TRAPPC9: variants seen among roughly 807,000 people sequenced by gnomAD.
The protein encoded by TRAPPC9 is trafficking protein particle complex subunit 9.
TRAPPC9 carries 83 observed loss-of-function variants against 124.0 expected under a neutral mutation model. The ratio of observed to expected loss-of-function variants is 0.67; its 90% CI spans 0.56 to 0.80. The LOEUF is 0.80. Ranked by LOEUF, TRAPPC9 falls within the 30% of genes least tolerant of loss-of-function variation. TRAPPC9 has a pLI of 0.00. For synonymous variants in TRAPPC9, 638 were observed against 617.5 expected (o/e 1.03, Z -0.49); for missense variants, 1,302 against 1,508.3 (o/e 0.86, Z 2.27).
At chr8:140,185,348 A>G (rs2062327997) in intron 17 of TRAPPC9, among the ~76,000 whole-genome samples, 2 of 152,200 alleles carry the variant, frequency 1.3e-5, no homozygotes, top group South Asian at 4.1e-4. Flanking sequence ...AGGAGGCTGG[A>G]CAGGTGGCCT....
intron 16 of TRAPPC9, among the ~76,000 whole-genome samples, chr8:140,249,875 T>G (rs903108373): frequency 2.6e-5 from 4 of 152,162 alleles, no homozygotes; most frequent in Non-Finnish European, 5.9e-5. Flanking sequence ...CCCAAAGTGC[T>G]GGGATTACAG....
intron 19 of TRAPPC9, among the ~76,000 whole-genome samples, chr8:139,943,496 T>C (rs111239453): frequency 0.013 from 2,024 of 152,314 alleles, 48 homozygotes; most frequent in African/African-American, 0.046. Flanking sequence ...ATGTTCAGGA[T>C]ATAATTGAAA....
chr8:140,385,842 T>C (rs200718132), intron 7 of TRAPPC9, among the ~76,000 whole-genome samples: 9 of 152,080 alleles, frequency 5.9e-5, no homozygotes, highest in Non-Finnish European at 8.8e-5. Context: ...CCTGATACCA[T>C]AGCCTGGCAG....
At chr8:140,361,832 AC>A (rs1041863021) in intron 8 of TRAPPC9, among the ~76,000 whole-genome samples, 2 of 152,150 alleles carry the variant, frequency 1.3e-5, no homozygotes, top group Non-Finnish European at 2.9e-5. Context: ...CTGACGTGAG[AC>A]TGGGCGCTCG....
rs776422181 is a variant in TRAPPC9 at position 139,886,839 on chromosome 8, G to C, written c.2965-870C>G. Among the ~76,000 whole-genome samples, 3 of 152,204 alleles carry C rather than the reference G, an allele frequency of 2.0e-5. No individual in the cohort carries two copies. The East Asian group carries it at 5.8e-4, about 29-fold the overall frequency. ...GCTGAGAGGTTCCCATTCTGGTGAA[G>C]GCAGCAACGTAGAACCTGAGAATCG... On this transcript the variant is annotated intron_variant, in intron 20 of 22. Coordinates refer to ENST00000438773, the MANE Select transcript of TRAPPC9 (RefSeq NM_001160372.4).
chr8:140,045,651 A>C (rs796764039), intron 17 of TRAPPC9, among the ~76,000 whole-genome samples: 1,686 of 39,042 alleles, frequency 0.043, 93 homozygotes, highest in African/African-American at 0.095. Flanking sequence ...AAAAAAAAAA[A>C]AAAAAAAACC....
chr8:139,900,954 G>A (rs1345708820), intron 20 of TRAPPC9, among the ~76,000 whole-genome samples: 1 of 151,334 alleles, frequency 6.6e-6, no homozygotes, highest in Non-Finnish European at 1.5e-5. Context: ...GACCTGAGGT[G>A]TGTGAGCCTC....
chr8:140,064,696 T>G (rs1461887938), intron 17 of TRAPPC9, among the ~76,000 whole-genome samples: 1 of 152,186 alleles, frequency 6.6e-6, no homozygotes, highest in Non-Finnish European at 1.5e-5. Flanking sequence ...TCCTGGGAAT[T>G]GCACAAACAT....
At chr8:139,902,197 C>G (rs4736114) in intron 20 of TRAPPC9, among the ~76,000 whole-genome samples, 1 of 152,210 alleles carries the variant, frequency 6.6e-6, no homozygotes, top group Non-Finnish European at 1.5e-5. Flanking sequence ...GGCCCTTCCC[C>G]GCTCTCATGT....
intron 18 of TRAPPC9, among the ~76,000 whole-genome samples, chr8:140,017,598 C>CTAT: frequency 6.6e-6 from 1 of 152,150 alleles, no homozygotes. Context: ...TGTCTTTACA[C>CTAT]CAATAACATA....
At chr8:139,954,208 G>A (rs568154644) in intron 19 of TRAPPC9, among the ~76,000 whole-genome samples, 1 of 152,312 alleles carries the variant, frequency 6.6e-6, no homozygotes, top group Non-Finnish European at 1.5e-5. Flanking sequence ...TGTCCAGATT[G>A]TAGCAATGGT....
chr8:140,021,548 A>G (rs1010369602), intron 18 of TRAPPC9, among the ~76,000 whole-genome samples: 2 of 152,222 alleles, frequency 1.3e-5, no homozygotes, highest in African/African-American at 4.8e-5. Flanking sequence ...TATTAGGTTC[A>G]TCACTCCTTT....
chr8:140,076,239 C>T (rs1388797330), intron 17 of TRAPPC9, among the ~76,000 whole-genome samples: 1 of 152,216 alleles, frequency 6.6e-6, no homozygotes, highest in East Asian at 1.9e-4. Context: ...TAAATGTCCA[C>T]TTGATGACAT....
chr8:139,844,715 G>A (rs1826958752), intron 21 of TRAPPC9, among the ~76,000 whole-genome samples: 1 of 152,236 alleles, frequency 6.6e-6, no homozygotes, highest in South Asian at 2.1e-4. Context: ...ATAAGCTTTG[G>A]GACAGTCTGG....
At chr8:139,743,534 G>A (rs774049013) in intron 21 of TRAPPC9, among the ~76,000 whole-genome samples, 1 of 152,206 alleles carries the variant, frequency 6.6e-6, no homozygotes, top group Non-Finnish European at 1.5e-5. Flanking sequence ...CATTTTTCTA[G>A]TTGACATAAA....
Position 140,426,651 on chromosome 8 carries a change from A to G in TRAPPC9, c.860-10T>C. 1.2e-6 allele frequency: 2 copies of G among 1,613,364 alleles called. No individual in the cohort carries two copies. Among genetic ancestry groups the G allele is most frequent in the Non-Finnish European group, 1.7e-6 (2 of 1,179,380 alleles). ...AGAACTTCCTGTGCCCCTGGAAGAA[A>G]GAACAGATTATGGTATTTTATTTGG... On this transcript the variant is annotated splice_polypyrimidine_tract_variant and intron_variant, in intron 4 of 22. Transcript: ENST00000438773.
At chr8:140,343,406 CAT>C (rs1193960162) in intron 9 of TRAPPC9, among the ~76,000 whole-genome samples, 1 of 152,246 alleles carries the variant, frequency 6.6e-6, no homozygotes, top group African/African-American at 2.4e-5. Flanking sequence ...ACTTTTCAAA[CAT>C]ATAAGTTTAC....
intron 7 of TRAPPC9, among the ~76,000 whole-genome samples, chr8:140,392,258 T>C (rs987939584): frequency 3.9e-5 from 6 of 152,224 alleles, no homozygotes; most frequent in African/African-American, 4.8e-5. Context: ...TTATGGCCAA[T>C]ATCTGAAAAG....
At chr8:140,006,725 T>A (rs1365038292) in intron 18 of TRAPPC9, among the ~76,000 whole-genome samples, 1 of 152,134 alleles carries the variant, frequency 6.6e-6, no homozygotes, top group Non-Finnish European at 1.5e-5. Flanking sequence ...GTGAAAGAGG[T>A]TAGTCACTTG....
Sources: gnomAD v4.1 joint callset for allele counts (sites outside exome capture counted in the v4.1 genomes callset) on GRCh38, gnomAD v4.1.1 for gene constraint, MANE v1.5 for transcripts, NCBI Gene and HGNC (gene_info 2026-07-23, HGNC 2026-07-21) for gene names.